Variants in CFAP44 observed in about 807,000 individuals in gnomAD.
CFAP44 encodes the protein cilia- and flagella-associated protein 44.
Under a neutral mutation model 216.2 loss-of-function variants are expected in CFAP44, and 134 were observed. That is an observed-to-expected ratio of 0.62 (90% CI 0.54 to 0.72). The LOEUF (loss-of-function observed/expected upper bound fraction) is 0.72, where lower values mean the gene tolerates loss of function less well. Among genes scored for constraint, CFAP44 ranks in the 30% least tolerant of loss-of-function variants. CFAP44 has a pLI of 0.00. For missense variants in CFAP44, 2,035 were observed against 2,182.1 expected, an observed-to-expected ratio of 0.93 and a Z score of 1.34; for synonymous variants, 700 against 727.6, an observed-to-expected ratio of 0.96 and a Z score of 0.61.
chr3:113,378,989 T>C (rs1345732404), intron 17 of CFAP44, among the ~76,000 whole-genome samples: 1 of 152,136 alleles, frequency 6.6e-6, no homozygotes, highest in African/African-American at 2.4e-5. Context: ...CTACGCTTGA[T>C]CCTTCTCCTC....
intron 21 of CFAP44, chr3:113,360,386 G>T: frequency 8.8e-6 from 2 of 227,720 alleles, no homozygotes; most frequent in South Asian, 1.6e-4. Context: ...ATTTGAGAAT[G>T]AGTGGTGTCT....
rs1198721376 is a variant in CFAP44 at position 113,328,695 on chromosome 3, TTAAAAAAAAAAAAAAAAAA to T, written c.4117-895_4117-877del. On this transcript the variant is annotated intron_variant, in intron 26 of 34. Coordinates refer to ENST00000393845, the MANE Select transcript of CFAP44 (RefSeq NM_001164496.2). ...AAACTACCAGAGAAATTTAGAGAGC[TTAAAAAAAAAAAAAAAAAA>T]AAAAAAAAAAAAAACAGAGAGAGAA... Among the ~76,000 whole-genome samples the T allele has an allele frequency of 1.3e-3, 97 of 72,344 alleles. 1 individual carries two copies. Among genetic ancestry groups the T allele is most frequent in the Middle Eastern group, 9.6e-3 (1 of 104 alleles). The allele number at this position is 72,344 out of a possible 152,430, so 47.5% of individuals were successfully genotyped here. A position where few individuals can be genotyped will look rare whatever the true frequency, so the allele number is the denominator to read the frequency against.
chr3:113,395,905 A>T (rs755439998), intron 14 of CFAP44, 45 bp from the exon 15 acceptor site: 2 of 1,431,198 alleles, frequency 1.4e-6, no homozygotes, highest in Admixed American at 3.6e-5. Flanking sequence ...TTACTATGAA[A>T]TCTAGCCTAT....
Position 113,426,119 on chromosome 3 carries a change from G to T in CFAP44, c.407+5C>A, listed in dbSNP as rs550538165. 12 of 1,613,206 alleles carry T rather than the reference G, an allele frequency of 7.4e-6. No homozygotes were observed. The African/African-American group carries it at 1.2e-4, about 16-fold the overall frequency. ...AAATTATACATATTTAGCCAGGGTGGATACACAAGTGTGAGAAGATCCAGT... is the reference window on the plus strand; with the variant it reads ...AAATTATACATATTTAGCCAGGGTGTATACACAAGTGTGAGAAGATCCAGT... On this transcript the variant is annotated splice_donor_5th_base_variant and intron_variant, in intron 4 of 34. Coordinates refer to ENST00000393845, the MANE Select transcript of CFAP44 (RefSeq NM_001164496.2).
intron 32 of CFAP44, among the ~76,000 whole-genome samples, chr3:113,297,951 G>A (rs927374960): frequency 3.3e-5 from 5 of 152,196 alleles, no homozygotes; most frequent in Non-Finnish European, 7.3e-5. Context: ...ATCCAGGAGG[G>A]GCTATTCACT....
Position 113,408,683 on chromosome 3 carries a change from G to A in CFAP44, c.890+423C>T, listed in dbSNP as rs562074803. On this transcript the variant is annotated intron_variant, in intron 7 of 34. Coordinates refer to ENST00000393845, the MANE Select transcript of CFAP44 (RefSeq NM_001164496.2). ...AGTTCGAGACCAGCCTGACCAACAC[G>A]GAGAAACCCAACTCTACTAAAAATA... 8.2e-4 allele frequency among the ~76,000 whole-genome samples: 125 copies of A among 152,060 alleles called. No homozygotes were observed. In the South Asian group the frequency reaches 0.023, roughly 28 times the overall value.
rs114431253 is a variant in CFAP44, at chr3:113,325,438, C to T, written c.4516+1007G>A. On this transcript the variant is annotated intron_variant, in intron 28 of 34. Coordinates refer to ENST00000393845, the MANE Select transcript of CFAP44 (RefSeq NM_001164496.2). ...TCTAAATAAATAGAGATATATTGTGCCTTTTTTATTTTTTATTTTTTTTGG... is the reference window on the plus strand; with the variant it reads ...TCTAAATAAATAGAGATATATTGTGTCTTTTTTATTTTTTATTTTTTTTGG... Among the ~76,000 whole-genome samples, 814 of 151,702 alleles carry T rather than the reference C, an allele frequency of 5.4e-3. 7 individuals are homozygous for T. Among genetic ancestry groups the T allele is most frequent in the African/African-American group, 0.018 (758 of 41,364 alleles).
At chr3:113,381,109 G>A in intron 15 of CFAP44, 49 bp from the exon 16 acceptor site, 1 of 1,367,304 alleles carries the variant, frequency 7.3e-7, no homozygotes, top group East Asian at 2.4e-5. Flanking sequence ...ATTTTTAAAA[G>A]CATAGTTTAA....
chr3:113,293,236 T>C (rs1949848288), intron 34 of CFAP44, among the ~76,000 whole-genome samples: 1 of 152,236 alleles, frequency 6.6e-6, no homozygotes, highest in South Asian at 2.1e-4. Flanking sequence ...TGGTTATTCT[T>C]ACTTTGAGAT....
intron 28 of CFAP44, among the ~76,000 whole-genome samples, chr3:113,313,598 G>A (rs1342159985): frequency 2.0e-5 from 3 of 152,138 alleles, no homozygotes; most frequent in African/African-American, 7.2e-5. Flanking sequence ...ATCTTGAATT[G>A]TACTCCCGTA....
At position 113,328,314 on chromosome 3, in the gene CFAP44, T is replaced by C. The variant is rs764639505; in HGVS notation, c.4117-495A>G. 1.3e-5 allele frequency among the ~76,000 whole-genome samples: 2 copies of C among 150,410 alleles called. 1 individual carries two copies. Among genetic ancestry groups the C allele is most frequent in the Non-Finnish European group, 3.0e-5 (2 of 67,714 alleles). On this transcript the variant is annotated intron_variant, in intron 26 of 34. Coordinates refer to ENST00000393845, the MANE Select transcript of CFAP44 (RefSeq NM_001164496.2). ...AAACCTGTTCAATCTCTTTCTAAGA[T>C]TGAAGAAATTAAGGTCAAAGTTACT...
intron 2 of CFAP44, among the ~76,000 whole-genome samples, chr3:113,431,500 G>A (rs1012658764): frequency 6.6e-6 from 1 of 152,078 alleles, no homozygotes; most frequent in African/African-American, 2.4e-5. Flanking sequence ...AGAAATGTAG[G>A]GAGTACAGAA....
chr3:113,372,343 T>A (rs1933195211), intron 18 of CFAP44, among the ~76,000 whole-genome samples: 1 of 152,150 alleles, frequency 6.6e-6, no homozygotes, highest in South Asian at 2.1e-4. Context: ...TGTCCATCAA[T>A]GATAGACTGG....
intron 23 of CFAP44, 138 bp from the exon 24 acceptor site, chr3:113,342,056 G>T: frequency 9.3e-7 from 1 of 1,077,702 alleles, no homozygotes; most frequent in Admixed American, 3.6e-5. Flanking sequence ...TTGAGCACTA[G>T]TTGTGGTGGC....
At chr3:113,315,765 A>T (rs1305007534) in intron 28 of CFAP44, among the ~76,000 whole-genome samples, 1 of 152,236 alleles carries the variant, frequency 6.6e-6, no homozygotes, top group African/African-American at 2.4e-5. Flanking sequence ...TACTATGTTC[A>T]ATAAATTATA....
chr3:113,301,979 A>G (rs1168281405), intron 32 of CFAP44, among the ~76,000 whole-genome samples: 2 of 150,538 alleles, frequency 1.3e-5, no homozygotes, highest in East Asian at 3.9e-4. Context: ...TTCTGTTTCT[A>G]TGAGTTTAAC....
At chr3:113,389,109 C>T (rs1339602813) in intron 15 of CFAP44, among the ~76,000 whole-genome samples, 2 of 152,138 alleles carry the variant, frequency 1.3e-5, no homozygotes, top group East Asian at 1.9e-4. Context: ...TTCTTAAGAA[C>T]AGACCATATG....
In CFAP44 at chr3:113,325,328, A is replaced by T. The variant is rs530031502; in HGVS notation, c.4516+1117T>A. Among the ~76,000 whole-genome samples, 9 of 152,136 alleles carry T rather than the reference A, an allele frequency of 5.9e-5. No individual in the cohort carries two copies. The East Asian group carries it at 1.5e-3, about 26-fold the overall frequency. On this transcript the variant is annotated intron_variant, in intron 28 of 34. Coordinates refer to ENST00000393845, the MANE Select transcript of CFAP44 (RefSeq NM_001164496.2). ...AAAAAAAAAAAAAAATCACTAAAAA[A>T]GGAAATAGGTGTAAATCTAACAAAA...
intron 17 of CFAP44, among the ~76,000 whole-genome samples, chr3:113,377,887 G>A (rs1933395003): frequency 6.6e-6 from 1 of 152,110 alleles, no homozygotes; most frequent in South Asian, 2.1e-4. Flanking sequence ...TTCTGACCTC[G>A]TGATCCACCC....
Sources: gnomAD v4.1 joint callset for allele counts (sites outside exome capture counted in the v4.1 genomes callset) on GRCh38, gnomAD v4.1.1 for gene constraint, MANE v1.5 for transcripts, NCBI Gene and HGNC (gene_info 2026-07-23, HGNC 2026-07-21) for gene names.